CA10: variants seen among roughly 807,000 people sequenced by gnomAD.
CA10 encodes carbonic anhydrase 10 (inactive), also known as carbonic anhydrase-related protein 10.
A neutral mutation model predicts 44.2 loss-of-function variants in CA10; 14 were observed. The ratio of observed to expected loss-of-function variants is 0.32; its 90% CI spans 0.21 to 0.50. The LOEUF (loss-of-function observed/expected upper bound fraction) is 0.50. Among genes scored for constraint, CA10 ranks in the 20% least tolerant of loss-of-function variants. CA10 has a pLI of 0.99. For synonymous variants in CA10, 159 were observed against 141.6 expected (o/e 1.12, Z -0.87); for missense variants, 350 against 409.7 (o/e 0.85, Z 1.26).
chr17:51,744,372 A>T (rs1309812271), intron 4 of CA10, among the ~76,000 whole-genome samples: 1 of 152,132 alleles, frequency 6.6e-6, no homozygotes, highest in African/African-American at 2.4e-5. Context: ...GATACATTAA[A>T]ACTGACAGTT....
chr17:51,715,980 G>T (rs1212895696), intron 4 of CA10, among the ~76,000 whole-genome samples: 1 of 152,026 alleles, frequency 6.6e-6, no homozygotes. Flanking sequence ...ATAAGCCACC[G>T]TGCCCGGCCC....
intron 4 of CA10, among the ~76,000 whole-genome samples, chr17:51,682,990 C>A (rs1914894349): frequency 1.3e-5 from 2 of 152,174 alleles, no homozygotes; most frequent in Non-Finnish European, 2.9e-5. Flanking sequence ...TCCCTTGGAC[C>A]TACTGAATCC....
intron 2 of CA10, among the ~76,000 whole-genome samples, chr17:51,949,579 G>C (rs1305773200): frequency 6.6e-6 from 1 of 152,146 alleles, no homozygotes; most frequent in Admixed American, 6.5e-5. Context: ...AAGGAGGTTA[G>C]TCTCTCACTG....
At chr17:51,871,929 G>A (rs1439248478) in intron 3 of CA10, among the ~76,000 whole-genome samples, 1 of 152,148 alleles carries the variant, frequency 6.6e-6, no homozygotes, top group East Asian at 1.9e-4. Flanking sequence ...AATGAAACAT[G>A]TACCTTAAAA....
intron 3 of CA10, among the ~76,000 whole-genome samples, chr17:51,751,002 T>G (rs1368567290): frequency 6.6e-6 from 1 of 152,208 alleles, no homozygotes; most frequent in African/African-American, 2.4e-5. Flanking sequence ...AGTCAAAAGA[T>G]TCTCAGTCTG....
intron 3 of CA10, among the ~76,000 whole-genome samples, chr17:51,869,034 T>C (rs980703506): frequency 1.3e-5 from 2 of 151,998 alleles, no homozygotes; most frequent in Non-Finnish European, 1.5e-5. Flanking sequence ...TTTATACACC[T>C]CTAAAGCCGT....
chr17:51,653,012 T>TA (rs5820868), intron 5 of CA10, among the ~76,000 whole-genome samples: 3 of 152,008 alleles, frequency 2.0e-5, no homozygotes, highest in Non-Finnish European at 4.4e-5. Context: ...TATTTTTTTT[T>TA]AAACAAATTA....
chr17:51,906,151 C>G (rs897812036), intron 3 of CA10, among the ~76,000 whole-genome samples: 2 of 152,052 alleles, frequency 1.3e-5, no homozygotes, highest in Non-Finnish European at 2.9e-5. Context: ...TTATTTTGAT[C>G]CCTATTTCTC....
intron 3 of CA10, among the ~76,000 whole-genome samples, chr17:51,912,536 C>T (rs898729942): frequency 6.6e-6 from 1 of 152,208 alleles, no homozygotes; most frequent in Non-Finnish European, 1.5e-5. Context: ...TTCTTCATAG[C>T]TAGTGAAAGA....
intron 2 of CA10, among the ~76,000 whole-genome samples, chr17:52,042,078 G>A (rs1048872591): frequency 6.6e-6 from 1 of 152,172 alleles, no homozygotes; most frequent in South Asian, 2.1e-4. Flanking sequence ...GCATCTTAGA[G>A]ATACTGATGT....
At chr17:52,096,040 A>C (rs1163210719) in intron 1 of CA10, among the ~76,000 whole-genome samples, 2 of 152,100 alleles carry the variant, frequency 1.3e-5, no homozygotes, top group Admixed American at 6.6e-5. Context: ...CACCTCTAAA[A>C]ACCAGGCTAG....
At chr17:52,144,406 G>A (rs996573536) in intron 1 of CA10, among the ~76,000 whole-genome samples, 14 of 152,116 alleles carry the variant, frequency 9.2e-5, no homozygotes, top group Admixed American at 2.6e-4. Context: ...TGTCAAGGCC[G>A]AATATTTATT....
At chr17:51,699,323 C>CAA (rs35215515) in intron 4 of CA10, among the ~76,000 whole-genome samples, 97 of 128,842 alleles carry the variant, frequency 7.5e-4, no homozygotes, top group African/African-American at 8.3e-4. Context: ...AACTCCATCT[C>CAA]AAAAAAAAAA....
chr17:51,995,969 A>T (rs570531953), intron 2 of CA10, among the ~76,000 whole-genome samples: 3 of 152,020 alleles, frequency 2.0e-5, no homozygotes, highest in Non-Finnish European at 4.4e-5. Context: ...ACTCACTATT[A>T]TACTGTCAAA....
At chr17:52,133,614 A>T (rs2143357154) in intron 1 of CA10, among the ~76,000 whole-genome samples, 1 of 152,272 alleles carries the variant, frequency 6.6e-6, no homozygotes, top group Middle Eastern at 3.4e-3. Context: ...TGCTCTATGC[A>T]TTTGACAAAT....
chr17:52,117,246 CT>C (rs774533229), intron 1 of CA10, among the ~76,000 whole-genome samples: 12 of 152,156 alleles, frequency 7.9e-5, no homozygotes, highest in Non-Finnish European at 1.2e-4. Context: ...CCTGGGACTC[CT>C]TGGGAAAGAC....
chr17:51,925,678 T>A (rs1245048992), intron 3 of CA10, among the ~76,000 whole-genome samples: 1 of 152,270 alleles, frequency 6.6e-6, no homozygotes, highest in African/African-American at 2.4e-5. Context: ...AAAAGCTGGA[T>A]GCAACCCAAA....
At chr17:51,982,543 C>T (rs1329769981) in intron 2 of CA10, among the ~76,000 whole-genome samples, 1 of 151,916 alleles carries the variant, frequency 6.6e-6, no homozygotes, top group African/African-American at 2.4e-5. Flanking sequence ...TTCACATGTT[C>T]AAACTTTGGT....
intron 2 of CA10, among the ~76,000 whole-genome samples, chr17:52,072,099 G>A (rs934186936): frequency 2.6e-5 from 4 of 152,264 alleles, no homozygotes; most frequent in Admixed American, 2.0e-4. Flanking sequence ...CCCTGCCCCT[G>A]AGGGCATCCT....
Sources: allele counts gnomAD v4.1 joint callset (sites outside exome capture counted in the v4.1 genomes callset), GRCh38; gene constraint gnomAD v4.1.1; transcripts MANE v1.5; gene names NCBI Gene and HGNC (gene_info 2026-07-23, HGNC 2026-07-21).